The following MYO3B variants were observed in gnomAD, a reference collection of about 807,000 sequenced individuals.
MYO3B encodes the protein myosin-IIIb.
A neutral mutation model predicts 174.6 loss-of-function variants in MYO3B; 156 were observed. The ratio of observed to expected loss-of-function variants is 0.89; its 90% CI spans 0.78 to 1.02. The LOEUF is 1.02. MYO3B is among the 50% of genes least tolerant of loss of function. MYO3B has a pLI of 0.00. For missense variants in MYO3B, 1,632 were observed against 1,639.4 expected (o/e 1.00, Z 0.08); for synonymous variants, 563 against 569.1 (o/e 0.99, Z 0.15).
At chr2:170,201,641 A>C (rs2092663138) in intron 3 of MYO3B, among the ~76,000 whole-genome samples, 1 of 152,078 alleles carries the variant, frequency 6.6e-6, no homozygotes, top group African/African-American at 2.4e-5. Flanking sequence ...TGGTTTTCTA[A>C]TTATCTTTGT....
At chr2:170,300,867 C>T (rs2093661146) in intron 7 of MYO3B, among the ~76,000 whole-genome samples, 1 of 152,130 alleles carries the variant, frequency 6.6e-6, no homozygotes, top group African/African-American at 2.4e-5. Context: ...TATTTTCCCC[C>T]ATCTCAAAAT....
At chr2:170,623,441 T>C (rs1696111744) in intron 32 of MYO3B, among the ~76,000 whole-genome samples, 1 of 152,228 alleles carries the variant, frequency 6.6e-6, no homozygotes, top group Admixed American at 6.5e-5. Flanking sequence ...TCTTGTAAAT[T>C]TGTTTGAGTT....
intron 32 of MYO3B, among the ~76,000 whole-genome samples, chr2:170,646,476 C>T (rs1186264447): frequency 1.3e-5 from 2 of 151,780 alleles, no homozygotes; most frequent in Admixed American, 1.3e-4. Context: ...CTCACTGCAA[C>T]CCCTGCCTCC....
intron 7 of MYO3B, among the ~76,000 whole-genome samples, chr2:170,251,982 A>G (rs1259328810): frequency 6.6e-6 from 1 of 152,182 alleles, no homozygotes; most frequent in East Asian, 1.9e-4. Flanking sequence ...CCTAAGTTCA[A>G]CTTTGAGACC....
At position 170,646,874 on chromosome 2, in the gene MYO3B, G is replaced by C. The variant is rs776606038; in HGVS notation, c.3734-4754G>C. ...ATAGTTCAACATTTTTCAGTATCTCGTTTTCTAACTATATTTCTCTGTCTC... is the reference window on the plus strand; with the variant it reads ...ATAGTTCAACATTTTTCAGTATCTCCTTTTCTAACTATATTTCTCTGTCTC... On this transcript the variant is annotated intron_variant, in intron 32 of 34. Transcript: ENST00000408978. 5 of 1,316,862 alleles carry C rather than the reference G, an allele frequency of 3.8e-6. No individual in the cohort carries two copies. In the African/African-American group the frequency reaches 6.0e-5, roughly 16 times the overall value. The allele number at this position is 1,316,862 out of a possible 1,614,324, so 81.6% of individuals were successfully genotyped here. A position where few individuals can be genotyped will look rare whatever the true frequency, so the allele number is the denominator to read the frequency against.
chr2:170,370,746 C>T (rs1298576091), intron 9 of MYO3B, among the ~76,000 whole-genome samples: 2 of 151,372 alleles, frequency 1.3e-5, no homozygotes, highest in Non-Finnish European at 2.9e-5. Context: ...AACCCAACAT[C>T]TAAAGGGTAT....
At chr2:170,478,176 G>A (rs1461197553) in intron 25 of MYO3B, among the ~76,000 whole-genome samples, 2 of 152,112 alleles carry the variant, frequency 1.3e-5, no homozygotes, top group African/African-American at 4.8e-5. Flanking sequence ...GCTTCAGGGA[G>A]AGGCTTAGAA....
chr2:170,242,182 TC>T (rs1196018189), intron 7 of MYO3B, among the ~76,000 whole-genome samples: 1 of 152,148 alleles, frequency 6.6e-6, no homozygotes, highest in Non-Finnish European at 1.5e-5. Context: ...ATCCCCACGA[TC>T]CAAGCTTCAC....
chr2:170,271,232 T>TG (rs1323539158), intron 7 of MYO3B, among the ~76,000 whole-genome samples: 1 of 152,152 alleles, frequency 6.6e-6, no homozygotes, highest in East Asian at 1.9e-4. Context: ...AATGTTAAAG[T>TG]GGTGAACATT....
Position 170,351,732 on chromosome 2 carries a change from A to T in MYO3B, c.815+16282A>T, listed in dbSNP as rs10930422. Among the ~76,000 whole-genome samples, 25 of 152,098 alleles carry T rather than the reference A, an allele frequency of 1.6e-4. No individual in the cohort carries two copies. The South Asian group carries it at 3.9e-3, about 24-fold the overall frequency. ...GAACACCTGAATAAACCTAAAGCTGAGGAAGACAACCCACCAAAACAACAA... is the reference window on the plus strand; with the variant it reads ...GAACACCTGAATAAACCTAAAGCTGTGGAAGACAACCCACCAAAACAACAA... On this transcript the variant is annotated intron_variant, in intron 8 of 34. Coordinates refer to ENST00000408978, the MANE Select transcript of MYO3B (RefSeq NM_138995.5).
chr2:170,476,073 TC>T (rs56257378), intron 25 of MYO3B, among the ~76,000 whole-genome samples: 2 of 151,526 alleles, frequency 1.3e-5, no homozygotes, highest in Non-Finnish European at 1.5e-5. Flanking sequence ...GTGTTCCCTG[TC>T]CCCCCCCACA....
chr2:170,360,627 GT>G (rs2094153511), intron 8 of MYO3B, among the ~76,000 whole-genome samples: 1 of 152,188 alleles, frequency 6.6e-6, no homozygotes, highest in African/African-American at 2.4e-5. Flanking sequence ...GTTTGAATGT[GT>G]CTCCTCCAAA....
chr2:170,340,951 A>T (rs1372856554), intron 8 of MYO3B: 4 of 152,116 alleles, frequency 2.6e-5, no homozygotes, highest in African/African-American at 9.7e-5. Flanking sequence ...TCTCGGAGTG[A>T]GCATTGTGGC....
intron 8 of MYO3B, among the ~76,000 whole-genome samples, chr2:170,365,221 A>C (rs2094189779): frequency 6.6e-6 from 1 of 152,208 alleles, no homozygotes; most frequent in Admixed American, 6.5e-5. Flanking sequence ...AATTGACCTC[A>C]TCATTGCCAG....
At chr2:170,505,967 C>G (rs1687596201) in intron 28 of MYO3B, among the ~76,000 whole-genome samples, 1 of 152,224 alleles carries the variant, frequency 6.6e-6, no homozygotes, top group African/African-American at 2.4e-5. Context: ...CCTACATACT[C>G]CCCTCCTTGG....
intron 28 of MYO3B, among the ~76,000 whole-genome samples, chr2:170,511,974 G>A (rs1688019147): frequency 6.6e-6 from 1 of 152,194 alleles, no homozygotes; most frequent in Non-Finnish European, 1.5e-5. Context: ...GAAGGAAGGG[G>A]AATTCCCCAG....
At position 170,653,105 on chromosome 2, in the gene MYO3B, CTT is replaced by C. The variant is rs1157840829; in HGVS notation, c.4013_4014del (p.Phe1338CysfsTer9). The stretch of plus-strand genomic sequence containing the variant: ...TTTTCTTCATCCTCAAAAGGAGACT[CTT>C]TTGCTCAACATTAAATTGTGCTTCC... On this transcript the variant is annotated frameshift_variant, in exon 35 of 35. Transcript: ENST00000408978. LOFTEE classifies it high-confidence loss of function. 1.9e-6 allele frequency: 3 copies of C among 1,614,150 alleles called. No individual in the cohort carries two copies. The highest frequency in any genetic ancestry group is 3.3e-5 in the Admixed American group (2 of 60,022).
chr2:170,235,540 C>A (rs921509335), intron 6 of MYO3B, among the ~76,000 whole-genome samples: 1 of 152,136 alleles, frequency 6.6e-6, no homozygotes, highest in African/African-American at 2.4e-5. Context: ...GTGGGTCTTC[C>A]AACATCTCTC....
chr2:170,350,156 CCCA>C (rs2094053306), intron 8 of MYO3B, among the ~76,000 whole-genome samples: 2 of 152,056 alleles, frequency 1.3e-5, no homozygotes, highest in Non-Finnish European at 2.9e-5. Context: ...CACGTGCACA[CCCA>C]GCTAATTTTC....
Sources: allele counts gnomAD v4.1 joint callset (sites outside exome capture counted in the v4.1 genomes callset), GRCh38; gene constraint gnomAD v4.1.1; transcripts MANE v1.5; gene names NCBI Gene and HGNC (gene_info 2026-07-23, HGNC 2026-07-21).